The following IKZF5 variants were observed in gnomAD, a reference collection of about 807,000 sequenced individuals.
The protein encoded by IKZF5 is IKAROS family zinc finger 5.
IKZF5 carries 4 observed loss-of-function variants against 30.7 expected under a neutral mutation model. That is an observed-to-expected ratio of 0.13 (90% CI 0.06 to 0.30). The LOEUF (loss-of-function observed/expected upper bound fraction) is 0.30, where lower values mean the gene tolerates loss of function less well. IKZF5 is among the 10% of genes least tolerant of loss of function. The pLI is 1.00. For synonymous variants in IKZF5, 148 were observed against 179.6 expected, an observed-to-expected ratio of 0.82 and a Z score of 1.41; for missense variants, 348 against 525.5, an observed-to-expected ratio of 0.66 and a Z score of 3.30.
At chr10:123,008,050 C>T (rs1294310667) in intron 1 of IKZF5, among the ~76,000 whole-genome samples, 1 of 152,086 alleles carries the variant, frequency 6.6e-6, no homozygotes, top group African/African-American at 2.4e-5. Context: ...GGCTTGGCTA[C>T]TCGCGCTCCA....
chr10:122,998,297 G>A, intron 3 of IKZF5, 196 bp downstream of exon 3: 1 of 452,664 alleles, frequency 2.2e-6, no homozygotes, highest in Non-Finnish European at 3.9e-6. Flanking sequence ...AGACCATAAT[G>A]CATCTCCAGA....
At position 123,008,774 on chromosome 10, in the gene IKZF5, T is replaced by TCAC; in HGVS notation, c.-279_-278insGTG. ...GCCGCCGTCTTCGTCACCGTCACAGTCGCCGCCGCCATCTTTGTTGTGTCT... is the reference window on the plus strand; with the variant it reads ...GCCGCCGTCTTCGTCACCGTCACAGTCACCGCCGCCGCCATCTTTGTTGTGTCT... On this transcript the variant is annotated 5_prime_UTR_variant, in exon 1 of 5. Transcript: ENST00000368886. 1 of 610,460 alleles carries TCAC rather than the reference T, an allele frequency of 1.6e-6. No homozygotes were observed. Among genetic ancestry groups the TCAC allele is most frequent in the Non-Finnish European group, 2.9e-6 (1 of 341,960 alleles). 37.8% of individuals were successfully genotyped at this position (610,460 alleles called of 1,614,324 possible).
chr10:122,993,008 C>T lies in IKZF5; in HGVS notation c.*772G>A, dbSNP rs1849220533. The T allele has an allele frequency of 6.6e-6, 1 of 152,524 alleles. No individual in the cohort carries two copies. The highest frequency in any genetic ancestry group is 6.5e-5 in the Admixed American group (1 of 15,270). The allele number at this position is 152,524 out of a possible 1,614,324, so 9.4% of individuals were successfully genotyped here. A position where few individuals can be genotyped will look rare whatever the true frequency, so the allele number is the denominator to read the frequency against. ...ATTCTCATTATAGTTATCCACCTCA[C>T]CTAACAGTAATGATATCAGAATGAA... On this transcript the variant is annotated 3_prime_UTR_variant, in exon 5 of 5. Coordinates refer to ENST00000368886, the MANE Select transcript of IKZF5 (RefSeq NM_001372123.1).
chr10:122,999,214 A>C (rs1162907127), intron 2 of IKZF5, among the ~76,000 whole-genome samples: 1 of 152,176 alleles, frequency 6.6e-6, no homozygotes, highest in Non-Finnish European at 1.5e-5. Context: ...CATGTTTCTT[A>C]TCTGTGCTAT....
chr10:122,998,390 A>G, intron 3 of IKZF5, 103 bp downstream of exon 3: 1 of 979,578 alleles, frequency 1.0e-6, no homozygotes, highest in Non-Finnish European at 1.5e-6. Context: ...GAAAAAACAG[A>G]ATGATTCACA....
At chr10:123,007,283 A>C (rs10510119) in intron 1 of IKZF5, 107 bp from the exon 2 acceptor site, 1 of 152,108 alleles carries the variant, frequency 6.6e-6, no homozygotes, top group Non-Finnish European at 1.5e-5. Context: ...TCTTATCATT[A>C]CATTAGCTGA....
At chr10:122,996,460 T>A (rs1589716443) in intron 3 of IKZF5, among the ~76,000 whole-genome samples, 1 of 146,462 alleles carries the variant, frequency 6.8e-6, no homozygotes, top group African/African-American at 2.5e-5. Flanking sequence ...GAGGCAGAGG[T>A]GGGGGGATAG....
At position 122,991,716 on chromosome 10, in the gene IKZF5, C is replaced by CT. The variant is rs1024985082; in HGVS notation, c.*2063dup. The CT allele has an allele frequency of 3.9e-5, 6 of 152,084 alleles. No individual in the cohort carries two copies. The highest frequency in any genetic ancestry group is 8.8e-5 in the Non-Finnish European group (6 of 67,986). 9.4% of individuals were successfully genotyped at this position (152,084 alleles called of 1,614,324 possible). A position where few individuals can be genotyped will look rare whatever the true frequency, so the allele number is the denominator to read the frequency against. On this transcript the variant is annotated 3_prime_UTR_variant, in exon 5 of 5. Coordinates refer to ENST00000368886, the MANE Select transcript of IKZF5 (RefSeq NM_001372123.1). ...AAACCTTTGGGATATCAACTGTGCTCTTTAAGTCATGGCAAAATTATAATT... is the reference window on the plus strand; with the variant it reads ...AAACCTTTGGGATATCAACTGTGCTCTTTTAAGTCATGGCAAAATTATAATT...
chr10:122,994,283 T>G lies in IKZF5; in HGVS notation c.757A>C (p.Asn253His), dbSNP rs1300945480. ...TGCCCTGCTAGAGTCGAGAGCTGATTCAAAGGGTTATCAACCATGAGTTCT... is the reference window on the plus strand; with the variant it reads ...TGCCCTGCTAGAGTCGAGAGCTGATGCAAAGGGTTATCAACCATGAGTTCT... ...PQELMVDNPL[N>H]QLSTLAGQLS... Residue 253 changes from asparagine (N) to histidine (H), a missense_variant, in exon 5 of 5, where the codon AAT becomes CAT. Physicochemically the swap from Asn to His is moderately conservative, Grantham distance 68. Coordinates refer to ENST00000368886, the MANE Select transcript of IKZF5 (RefSeq NM_001372123.1). The surrounding 1 kb of genome is among the most constrained non-coding windows in gnomAD (Gnocchi z 5.6). The G allele has an allele frequency of 6.2e-7, 1 of 1,614,038 alleles. No individual in the cohort carries two copies. The highest frequency in any genetic ancestry group is 8.5e-7 in the Non-Finnish European group (1 of 1,179,992).
chr10:122,992,854 A>AT lies in IKZF5; in HGVS notation c.*925dup, dbSNP rs1385519213. The stretch of plus-strand genomic sequence containing the variant: ...TTTCCATACCCACCTTTTCTTGGAA[A>AT]TTATGGGCAGAAAATGGATAGAAGG... On this transcript the variant is annotated 3_prime_UTR_variant, in exon 5 of 5. Coordinates refer to ENST00000368886, the MANE Select transcript of IKZF5 (RefSeq NM_001372123.1). 2 of 152,616 alleles carry AT rather than the reference A, an allele frequency of 1.3e-5. No homozygotes were observed. Among genetic ancestry groups the AT allele is most frequent in the Non-Finnish European group, 2.9e-5 (2 of 68,012 alleles). The allele number at this position is 152,616 out of a possible 1,614,324, so 9.5% of individuals were successfully genotyped here.
chr10:123,002,515 T>A, intron 2 of IKZF5, among the ~76,000 whole-genome samples: 2 of 121,696 alleles, frequency 1.6e-5, no homozygotes. Context: ...CAAAATTCTG[T>A]CTCCAAAAAA....
rs1459174537 is a variant in IKZF5, at chr10:122,994,975, A to C, written c.317-252T>G. 2 of 406,488 alleles carry C rather than the reference A, an allele frequency of 4.9e-6. No individual in the cohort carries two copies. Among genetic ancestry groups the C allele is most frequent in the Non-Finnish European group, 8.7e-6 (2 of 228,634 alleles). The allele number at this position is 406,488 out of a possible 1,614,324, so 25.2% of individuals were successfully genotyped here. A position where few individuals can be genotyped will look rare whatever the true frequency, so the allele number is the denominator to read the frequency against. ...TAGTCAATACAGTATAAAAACTGTTATGGCTTCGAATGCATTTAGAGAGAA... is the reference window on the plus strand; with the variant it reads ...TAGTCAATACAGTATAAAAACTGTTCTGGCTTCGAATGCATTTAGAGAGAA... On this transcript the variant is annotated intron_variant, in intron 4 of 4. Coordinates refer to ENST00000368886, the MANE Select transcript of IKZF5 (RefSeq NM_001372123.1). This position sits in a 1 kb window ranked among gnomAD's most constrained non-coding sequence, Gnocchi z 5.6.
chr10:122,995,013 T>C (rs9423242), intron 4 of IKZF5: 186,832 of 312,376 alleles, frequency 0.6, 59,222 homozygotes, highest in Non-Finnish European at 0.69. Flanking sequence ...AACAGTACAA[T>C]TGAAATATTC....
At chr10:122,996,805 A>C (rs1319878958) in intron 3 of IKZF5, among the ~76,000 whole-genome samples, 1 of 152,228 alleles carries the variant, frequency 6.6e-6, no homozygotes, top group Non-Finnish European at 1.5e-5. Flanking sequence ...AAAGAGATTC[A>C]CTGGAGAGTG....
At chr10:123,008,244 G>C (rs1003618095) in intron 1 of IKZF5, among the ~76,000 whole-genome samples, 1 of 152,170 alleles carries the variant, frequency 6.6e-6, no homozygotes, top group African/African-American at 2.4e-5. Context: ...GCCTGGGACC[G>C]GCGTCGGGGC....
chr10:122,999,918 A>G (rs1285752120), intron 2 of IKZF5, among the ~76,000 whole-genome samples: 1 of 152,244 alleles, frequency 6.6e-6, no homozygotes, highest in African/African-American at 2.4e-5. Flanking sequence ...TATGCAAATA[A>G]GTACAATTCT....
chr10:123,004,117 C>G (rs1362014555), intron 2 of IKZF5, among the ~76,000 whole-genome samples: 1 of 151,996 alleles, frequency 6.6e-6, no homozygotes, highest in East Asian at 1.9e-4. Context: ...GTAAGCTAGT[C>G]AGCTCCAGTG....
chr10:122,995,860 T>C, intron 4 of IKZF5, 134 bp downstream of exon 4: 1 of 783,506 alleles, frequency 1.3e-6, no homozygotes, highest in Non-Finnish European at 2.0e-6. Context: ...ATGGAGTAAC[T>C]TTCCCATTTA....
At chr10:123,008,120 C>G (rs1302490301) in intron 1 of IKZF5, among the ~76,000 whole-genome samples, 1 of 152,186 alleles carries the variant, frequency 6.6e-6, no homozygotes, top group Non-Finnish European at 1.5e-5. Context: ...GCTACAATGT[C>G]TTTCTCAAAT....
Sources: gnomAD v4.1 joint callset for allele counts (sites outside exome capture counted in the v4.1 genomes callset) on GRCh38, gnomAD v4.1.1 for gene constraint, Gnocchi (gnomAD v3.1) non-coding constraint, MANE v1.5 for transcripts, NCBI Gene and HGNC (gene_info 2026-07-23, HGNC 2026-07-21) for gene names.